The following MAML3 variants were observed in gnomAD, a reference collection of about 807,000 sequenced individuals.
The protein encoded by MAML3 is mastermind like transcriptional coactivator 3, also known as mastermind-like protein 3.
A neutral mutation model predicts 101.9 loss-of-function variants in MAML3; 27 were observed. The ratio of observed to expected loss-of-function variants is 0.27; its 90% CI spans 0.20 to 0.37. MAML3 has a LOEUF of 0.37. Among genes scored for constraint, MAML3 ranks in the 10% least tolerant of loss-of-function variants. The probability of loss-of-function intolerance (pLI) is 1.00; values close to 1 mark genes in which losing one functional copy is unlikely to be tolerated. For synonymous variants in MAML3, 501 were observed against 555.9 expected (o/e 0.90, Z 1.39); for missense variants, 1,316 against 1,444.9 (o/e 0.91, Z 1.45).
chr4:140,044,486 T>C (rs1327296487), intron 1 of MAML3, among the ~76,000 whole-genome samples: 1 of 152,206 alleles, frequency 6.6e-6, no homozygotes, highest in Non-Finnish European at 1.5e-5. Context: ...TCTTCCAGAA[T>C]GGGCCCTTAT....
intron 2 of MAML3, among the ~76,000 whole-genome samples, chr4:139,765,847 G>A (rs1729845707): frequency 6.6e-6 from 1 of 152,118 alleles, no homozygotes; most frequent in Non-Finnish European, 1.5e-5. Context: ...AATAAGCCAA[G>A]TGTGGTGGTG....
intron 1 of MAML3, among the ~76,000 whole-genome samples, chr4:139,925,101 A>G (rs1226450781): frequency 1.3e-5 from 2 of 152,170 alleles, no homozygotes; most frequent in African/African-American, 4.8e-5. Flanking sequence ...AGCACAAACT[A>G]AATTTTGGAC....
intron 1 of MAML3, among the ~76,000 whole-genome samples, chr4:139,908,762 A>T (rs1213442010): frequency 6.6e-6 from 1 of 152,246 alleles, no homozygotes; most frequent in East Asian, 1.9e-4. Flanking sequence ...CATAAACTTC[A>T]TGTAAACAGC....
intron 2 of MAML3, among the ~76,000 whole-genome samples, chr4:139,769,658 C>G (rs1353116518): frequency 2.0e-5 from 3 of 151,978 alleles, no homozygotes; most frequent in Non-Finnish European, 4.4e-5. Flanking sequence ...TTTAGTTGCC[C>G]AGGCTGGAGT....
chr4:139,992,116 T>G (rs190838521), intron 1 of MAML3, among the ~76,000 whole-genome samples: 1 of 152,304 alleles, frequency 6.6e-6, no homozygotes, highest in East Asian at 1.9e-4. Flanking sequence ...AATGTAGTTT[T>G]TTGTATCTGG....
intron 1 of MAML3, chr4:140,134,155 T>C (rs1578702530): frequency 2.2e-6 from 1 of 456,770 alleles, no homozygotes; most frequent in Non-Finnish European, 4.4e-6. Context: ...TGGCTCATTA[T>C]CTTCTTGCTT....
rs114103672 is a variant in MAML3, at chr4:140,133,933, C to T, written c.468+18927G>A. ...GATACTTCATCTATTTGATTTTTTA[C>T]CCATACTTAACACCTCAAAATGTAT... On this transcript the variant is annotated intron_variant, in intron 1 of 4. Transcript: ENST00000509479. 8.2e-4 allele frequency: 283 copies of T among 347,166 alleles called. 2 individuals are homozygous for T. The highest frequency in any genetic ancestry group is 5.7e-3 in the African/African-American group (268 of 46,762). The allele number at this position is 347,166 out of a possible 1,614,324, so 21.5% of individuals were successfully genotyped here. A position where few individuals can be genotyped will look rare whatever the true frequency, so the allele number is the denominator to read the frequency against.
rs913422532 is a variant in MAML3, at chr4:139,831,394, T to A, written c.2079+57963A>T. On this transcript the variant is annotated intron_variant, in intron 2 of 4. Coordinates refer to ENST00000509479, the MANE Select transcript of MAML3 (RefSeq NM_018717.5). ...CTAAATTAAGAAAACATTTGAAGAT[T>A]CACTGACACCAAGTGCCAAACTCAA... is the stretch of plus-strand genomic sequence containing the variant. 3.3e-5 allele frequency among the ~76,000 whole-genome samples: 5 copies of A among 152,210 alleles called. No individual in the cohort carries two copies. The Middle Eastern group carries it at 9.5e-3, about 289-fold the overall frequency.
intron 1 of MAML3, among the ~76,000 whole-genome samples, chr4:139,992,107 A>G (rs1481768439): frequency 2.0e-5 from 3 of 152,096 alleles, no homozygotes; most frequent in African/African-American, 7.2e-5. Context: ...AATCATATAA[A>G]TGTAGTTTTT....
chr4:139,860,610 G>C (rs945450519), intron 2 of MAML3, among the ~76,000 whole-genome samples: 1 of 152,218 alleles, frequency 6.6e-6, no homozygotes, highest in African/African-American at 2.4e-5. Context: ...CTTAGGCAGG[G>C]ACTGGGCCAG....
At chr4:140,116,434 G>A (rs1031299331) in intron 1 of MAML3, among the ~76,000 whole-genome samples, 1 of 152,168 alleles carries the variant, frequency 6.6e-6, no homozygotes, top group Non-Finnish European at 1.5e-5. Context: ...CATGTTCAGG[G>A]CTATTGCCAA....
At chr4:139,920,639 C>A (rs1486368267) in intron 1 of MAML3, among the ~76,000 whole-genome samples, 1 of 152,212 alleles carries the variant, frequency 6.6e-6, no homozygotes, top group Non-Finnish European at 1.5e-5. Context: ...CATCAACCAC[C>A]TTTCATTAAT....
chr4:139,865,141 C>A (rs902683095), intron 2 of MAML3, among the ~76,000 whole-genome samples: 1 of 152,010 alleles, frequency 6.6e-6, no homozygotes, highest in Non-Finnish European at 1.5e-5. Flanking sequence ...GCAAATAGTG[C>A]AATTTCAAAT....
intron 1 of MAML3, among the ~76,000 whole-genome samples, chr4:140,087,010 C>T (rs1410797475): frequency 6.6e-6 from 1 of 152,056 alleles, no homozygotes; most frequent in African/African-American, 2.4e-5. Flanking sequence ...AAATACAAAA[C>T]TTAGCCGGGC....
At chr4:140,144,015 C>T (rs1016331055) in intron 1 of MAML3, among the ~76,000 whole-genome samples, 3 of 152,106 alleles carry the variant, frequency 2.0e-5, no homozygotes, top group African/African-American at 4.8e-5. Context: ...ATTTTCAAAA[C>T]CCTAGGAGAG....
chr4:140,143,923 T>C (rs888941276), intron 1 of MAML3, among the ~76,000 whole-genome samples: 1 of 152,206 alleles, frequency 6.6e-6, no homozygotes, highest in Non-Finnish European at 1.5e-5. Context: ...TCGCGGCACC[T>C]CTGCCTCTCT....
At chr4:140,011,343 T>TTTG (rs1262550666) in intron 1 of MAML3, among the ~76,000 whole-genome samples, 5 of 70,598 alleles carry the variant, frequency 7.1e-5, no homozygotes, top group Non-Finnish European at 1.4e-4. Context: ...TCTTGTTTTG[T>TTTG]TTTTTTTTTT....
At chr4:140,132,469 C>A (rs1409353274) in intron 1 of MAML3, among the ~76,000 whole-genome samples, 1 of 152,228 alleles carries the variant, frequency 6.6e-6, no homozygotes, top group African/African-American at 2.4e-5. Context: ...CTAACTTCCT[C>A]TGGCACTAAC....
chr4:139,989,876 C>CAG (rs1406070105), intron 1 of MAML3, among the ~76,000 whole-genome samples: 28 of 53,932 alleles, frequency 5.2e-4, no homozygotes, highest in Admixed American at 1.3e-3. Flanking sequence ...CACACACACA[C>CAG]ACACACAGAG....
Sources: allele counts gnomAD v4.1 joint callset (sites outside exome capture counted in the v4.1 genomes callset), GRCh38; gene constraint gnomAD v4.1.1; transcripts MANE v1.5; gene names NCBI Gene and HGNC (gene_info 2026-07-23, HGNC 2026-07-21).